MRC2: variants seen among roughly 807,000 people sequenced by gnomAD.
The protein encoded by MRC2 is C-type mannose receptor 2.
A neutral mutation model predicts 206.2 loss-of-function variants in MRC2; 84 were observed. The observed-to-expected ratio is 0.41, with a 90% CI of 0.34 to 0.49. The LOEUF is 0.49. Ranked by LOEUF, MRC2 falls within the 20% of genes least tolerant of loss-of-function variation. The pLI is 0.31. For synonymous variants in MRC2, 798 were observed against 800.0 expected (o/e 1.00, Z 0.04); for missense variants, 1,676 against 2,001.5 (o/e 0.84, Z 3.10).
chr17:62,638,530 G>A (rs549923259), intron 1 of MRC2, among the ~76,000 whole-genome samples: 10 of 152,070 alleles, frequency 6.6e-5, no homozygotes, highest in African/African-American at 1.7e-4. Context: ...ACGAGGTCAG[G>A]AGTTCGAGAC....
intron 8 of MRC2, among the ~76,000 whole-genome samples, chr17:62,673,594 T>C (rs1051198429): frequency 6.7e-6 from 1 of 150,300 alleles, no homozygotes; most frequent in Non-Finnish European, 1.5e-5. Flanking sequence ...CTGGAACCTC[T>C]GCCTCCCAGG....
chr17:62,630,892 C>T (rs920843943), intron 1 of MRC2, among the ~76,000 whole-genome samples: 4 of 152,108 alleles, frequency 2.6e-5, no homozygotes, highest in African/African-American at 9.7e-5. Context: ...TGTTCCCCCA[C>T]GCAAAACTCA....
chr17:62,647,785 A>G (rs950975486), intron 1 of MRC2, among the ~76,000 whole-genome samples: 1 of 152,176 alleles, frequency 6.6e-6, no homozygotes, highest in Non-Finnish European at 1.5e-5. Context: ...CAATTTTTCC[A>G]GCAAAAAGGT....
At chr17:62,670,162 G>C (rs1259525879) in intron 6 of MRC2, among the ~76,000 whole-genome samples, 1 of 152,184 alleles carries the variant, frequency 6.6e-6, no homozygotes, top group South Asian at 2.1e-4. Flanking sequence ...CTCTCTGCAC[G>C]AGGCATATTC....
At chr17:62,628,786 A>T (rs967024080) in intron 1 of MRC2, among the ~76,000 whole-genome samples, 16 of 151,246 alleles carry the variant, frequency 1.1e-4, no homozygotes, top group Non-Finnish European at 5.9e-5. Context: ...AGAATCTAAG[A>T]GTTGAAAGGA....
intron 1 of MRC2, among the ~76,000 whole-genome samples, chr17:62,633,047 T>TC (rs1018809985): frequency 1.1e-4 from 16 of 152,154 alleles, no homozygotes; most frequent in African/African-American, 3.6e-4. Context: ...AGGCAGAGGC[T>TC]CAAGTGTCTT....
chr17:62,658,794 C>A (rs1016272114), intron 1 of MRC2, among the ~76,000 whole-genome samples: 4 of 152,174 alleles, frequency 2.6e-5, no homozygotes, highest in Non-Finnish European at 5.9e-5. Flanking sequence ...CTTTGGCTAC[C>A]TCCTGCCAAG....
chr17:62,647,981 A>G (rs1441713469), intron 1 of MRC2, among the ~76,000 whole-genome samples: 1 of 152,122 alleles, frequency 6.6e-6, no homozygotes, highest in East Asian at 1.9e-4. Context: ...TGTTTTCTTC[A>G]CTGACCAGAG....
chr17:62,685,284 A>G (rs1281615736), intron 20 of MRC2, among the ~76,000 whole-genome samples: 1 of 152,162 alleles, frequency 6.6e-6, no homozygotes, highest in Admixed American at 6.5e-5. Flanking sequence ...GATCACAGCT[A>G]TCAATATTTG....
intron 1 of MRC2, among the ~76,000 whole-genome samples, chr17:62,629,208 C>T (rs540537461): frequency 2.0e-4 from 31 of 152,372 alleles, no homozygotes; most frequent in African/African-American, 7.5e-4. Flanking sequence ...CTGCCTTCCT[C>T]TGCTCCTCTG....
chr17:62,678,607 AGG>A lies in MRC2; in HGVS notation c.2157_2158del (p.Glu720AlafsTer13). 1 of 1,611,868 alleles carries A rather than the reference AGG, an allele frequency of 6.2e-7. No homozygotes were observed. The highest frequency in any genetic ancestry group is 1.1e-5 in the South Asian group (1 of 90,868). On this transcript the variant is annotated frameshift_variant, in exon 13 of 30. Coordinates refer to ENST00000303375, the MANE Select transcript of MRC2 (RefSeq NM_006039.5). LOFTEE classifies it high-confidence loss of function. Reference sequence around the variant, plus strand: ...CTGCTGAGCCTGGCCAGCTACGAGGAGGAGCACTTTGTGGCCAACATGCTCAA... The same window carrying A: ...CTGCTGAGCCTGGCCAGCTACGAGGAAGCACTTTGTGGCCAACATGCTCAA...
intron 28 of MRC2, among the ~76,000 whole-genome samples, chr17:62,691,347 A>G (rs2089109659): frequency 1.3e-5 from 2 of 152,236 alleles, no homozygotes; most frequent in African/African-American, 4.8e-5. Context: ...CTCGGGGGTC[A>G]GCAACCCCCT....
At position 62,691,138 on chromosome 17, in the gene MRC2, G is replaced by T. The variant is rs770233232; in HGVS notation, c.4192+10G>T. On this transcript the variant is annotated intron_variant, in intron 28 of 29. Transcript: ENST00000303375. ...TGCAAGCTTCCTCGTGGTGAGCGCC[G>T]GGCAGGCCCACGCTCAGCCTCCTTC... The T allele has an allele frequency of 2.5e-6, 4 of 1,593,000 alleles. No individual in the cohort carries two copies. In the South Asian group the frequency reaches 4.6e-5, roughly 18 times the overall value.
chr17:62,689,927 C>A lies in MRC2; in HGVS notation c.3607C>A (p.Pro1203Thr). The part of the protein sequence containing the change: ...SRRYSWVSEE[P>T]LNYVGWQDGE... Reference sequence around the variant, plus strand: ...GCGGTACTCCTGGGTCTCAGAGGAGCCGCTGAACTACGTGGGCTGGCAGGA... The same window carrying A: ...GCGGTACTCCTGGGTCTCAGAGGAGACGCTGAACTACGTGGGCTGGCAGGA... Residue 1203 changes from proline (P) to threonine (T), a missense_variant, in exon 25 of 30, where the codon CCG becomes ACG. Pro to Thr is a conservative substitution (Grantham distance 38). Coordinates refer to ENST00000303375, the MANE Select transcript of MRC2 (RefSeq NM_006039.5). 6.2e-7 allele frequency: 1 copy of A among 1,606,382 alleles called. No homozygotes were observed. Among genetic ancestry groups the A allele is most frequent in the Non-Finnish European group, 8.5e-7 (1 of 1,177,486 alleles).
chr17:62,667,526 C>A lies in MRC2; in HGVS notation c.1110C>A (p.Thr370=), dbSNP rs757552740. The part of the protein sequence containing the change: ...KKKPNATAEP[T]PPDRWANVKV... ...AGCCCAACGCCACGGCCGAGCCCACCCCTCCAGGTGAGCCAGGGACTGTGC... is the reference window on the plus strand; with the variant it reads ...AGCCCAACGCCACGGCCGAGCCCACACCTCCAGGTGAGCCAGGGACTGTGC... The change falls in exon 6 of 30, where the codon ACC becomes ACA. Residue 370 remains threonine, a synonymous_variant. Coordinates refer to ENST00000303375, the MANE Select transcript of MRC2 (RefSeq NM_006039.5). The surrounding 1 kb of genome is among the most constrained non-coding windows in gnomAD (Gnocchi z 4.1). The A allele has an allele frequency of 6.2e-7, 1 of 1,609,146 alleles. No homozygotes were observed. Among genetic ancestry groups the A allele is most frequent in the South Asian group, 1.1e-5 (1 of 90,642 alleles).
At chr17:62,640,678 A>T (rs2088390412) in intron 1 of MRC2, among the ~76,000 whole-genome samples, 1 of 150,804 alleles carries the variant, frequency 6.6e-6, no homozygotes, top group South Asian at 2.1e-4. Context: ...CCACTGGCTA[A>T]TATTTAATTT....
chr17:62,661,224 AGT>A (rs2088675609), intron 1 of MRC2, among the ~76,000 whole-genome samples: 1 of 152,250 alleles, frequency 6.6e-6, no homozygotes, highest in African/African-American at 2.4e-5. Context: ...TGTGGCTCAT[AGT>A]AAGAGGCTGA....
intron 20 of MRC2, among the ~76,000 whole-genome samples, chr17:62,687,224 G>C (rs374613665): frequency 6.7e-4 from 102 of 152,152 alleles, no homozygotes; most frequent in African/African-American, 2.4e-3. Context: ...GTAATGGCGT[G>C]ATCTCAGCTC....
At chr17:62,658,735 A>G (rs1026108868) in intron 1 of MRC2, among the ~76,000 whole-genome samples, 4 of 152,180 alleles carry the variant, frequency 2.6e-5, no homozygotes, top group African/African-American at 9.7e-5. Flanking sequence ...TCTCTGAGAA[A>G]CATCTACAAA....
Sources: allele counts gnomAD v4.1 joint callset (sites outside exome capture counted in the v4.1 genomes callset), GRCh38; gene constraint gnomAD v4.1.1; non-coding constraint Gnocchi (gnomAD v3.1); transcripts MANE v1.5; gene names NCBI Gene and HGNC (gene_info 2026-07-23, HGNC 2026-07-21).